Variants in DACH1 observed in about 807,000 individuals in gnomAD.
The protein encoded by DACH1 is dachshund homolog 1.
In DACH1, 12 loss-of-function variants were observed where a neutral mutation model predicts 54.2. The ratio of observed to expected loss-of-function variants is 0.22; its 90% CI spans 0.14 to 0.36. The LOEUF is 0.36. Ranked by LOEUF, DACH1 falls within the 10% of genes least tolerant of loss-of-function variation. DACH1 has a pLI of 1.00. For missense variants in DACH1, 805 were observed against 929.8 expected (o/e 0.87, Z 1.75); for synonymous variants, 386 against 366.2 (o/e 1.05, Z -0.62).
chr13:71,609,242 CAT>C, intron 3 of DACH1, among the ~76,000 whole-genome samples: 1 of 152,112 alleles, frequency 6.6e-6, no homozygotes, highest in Non-Finnish European at 1.5e-5. Flanking sequence ...CCACATCATC[CAT>C]ATCTCTAGTC....
chr13:71,646,058 C>G (rs1878240063), intron 2 of DACH1, among the ~76,000 whole-genome samples: 1 of 152,112 alleles, frequency 6.6e-6, no homozygotes, highest in African/African-American at 2.4e-5. Flanking sequence ...CTGCAATCGG[C>G]CAGGTGCGGT....
intron 10 of DACH1, among the ~76,000 whole-genome samples, chr13:71,454,699 C>A (rs895428636): frequency 3.9e-5 from 6 of 152,140 alleles, no homozygotes; most frequent in Non-Finnish European, 5.9e-5. Flanking sequence ...ATGGCAACAG[C>A]CACATTAGTC....
At chr13:71,862,790 A>G (rs1243835010) in intron 1 of DACH1, among the ~76,000 whole-genome samples, 1 of 152,118 alleles carries the variant, frequency 6.6e-6, no homozygotes, top group East Asian at 1.9e-4. Flanking sequence ...TCGGTTCCTC[A>G]AAATCCCTGG....
At chr13:71,677,702 G>T (rs1016766343) in intron 2 of DACH1, among the ~76,000 whole-genome samples, 1 of 151,954 alleles carries the variant, frequency 6.6e-6, no homozygotes, top group Non-Finnish European at 1.5e-5. Context: ...GAATCAATAG[G>T]TGTTGTTTGT....
At position 71,475,693 on chromosome 13, in the gene DACH1, T is replaced by C. The variant is rs370394159; in HGVS notation, c.2014+13A>G. 10 of 1,600,654 alleles carry C rather than the reference T, an allele frequency of 6.2e-6. No individual in the cohort carries two copies. The African/African-American group carries it at 1.1e-4, about 17-fold the overall frequency. On this transcript the variant is annotated intron_variant, in intron 9 of 10. Coordinates refer to ENST00000613252, the MANE Select transcript of DACH1 (RefSeq NM_080759.6). ...AATGACAGTTATTCATGCAATAATA[T>C]ACACCCTCTTACCATTTAAGACCCT...
rs149946200 is a variant in DACH1 at position 71,679,929 on chromosome 13, G to A, written c.964+1866C>T. ...CTGCACTCCAGCCTGGTGACAGAGCGAGACTCCGTCTCAAAAAAAAAAAAA... is the reference window on the plus strand; with the variant it reads ...CTGCACTCCAGCCTGGTGACAGAGCAAGACTCCGTCTCAAAAAAAAAAAAA... On this transcript the variant is annotated intron_variant, in intron 2 of 10. Coordinates refer to ENST00000613252, the MANE Select transcript of DACH1 (RefSeq NM_080759.6). Among the ~76,000 whole-genome samples, 636 of 137,268 alleles carry A rather than the reference G, an allele frequency of 4.6e-3. 2 individuals carry two copies. The highest frequency in any genetic ancestry group is 0.023 in the East Asian group (105 of 4,648). 90.1% of individuals were successfully genotyped at this position (137,268 alleles called of 152,430 possible). A position where few individuals can be genotyped will look rare whatever the true frequency, so the allele number is the denominator to read the frequency against.
intron 6 of DACH1, among the ~76,000 whole-genome samples, chr13:71,494,015 T>C (rs950502366): frequency 2.6e-5 from 4 of 152,150 alleles, no homozygotes; most frequent in Admixed American, 2.0e-4. Context: ...CAGTCACCTA[T>C]AAGGCAGCAC....
intron 3 of DACH1, among the ~76,000 whole-genome samples, chr13:71,577,285 C>A (rs757516102): frequency 2.0e-5 from 3 of 152,132 alleles, no homozygotes; most frequent in African/African-American, 7.2e-5. Flanking sequence ...AGCTACCAAA[C>A]GAGGTGGAAA....
chr13:71,526,206 CAT>C (rs1399195650), intron 6 of DACH1, among the ~76,000 whole-genome samples: 4 of 152,098 alleles, frequency 2.6e-5, no homozygotes, highest in Non-Finnish European at 5.9e-5. Flanking sequence ...TTTAACGATA[CAT>C]AGAGTCTTGT....
At chr13:71,475,665 A>G (rs773456514) in intron 9 of DACH1, 41 bp downstream of exon 9, 61 of 1,578,190 alleles carry the variant, frequency 3.9e-5, no homozygotes, top group Non-Finnish European at 5.0e-5. Flanking sequence ...TTTAAGCATT[A>G]AAAATGACAG....
At chr13:71,564,664 ATG>A (rs1271387270) in intron 4 of DACH1, among the ~76,000 whole-genome samples, 2 of 152,166 alleles carry the variant, frequency 1.3e-5, no homozygotes, top group African/African-American at 4.8e-5. Context: ...TACTACACAC[ATG>A]TGATTAAACA....
chr13:71,654,321 T>C (rs1377626234), intron 2 of DACH1, among the ~76,000 whole-genome samples: 15 of 149,826 alleles, frequency 1.0e-4, no homozygotes, highest in Admixed American at 1.3e-4. Context: ...ACCCAGGAGA[T>C]GGAGGTTGCA....
chr13:71,602,036 C>T (rs1192032037), intron 3 of DACH1, among the ~76,000 whole-genome samples: 1 of 151,928 alleles, frequency 6.6e-6, no homozygotes, highest in African/African-American at 2.4e-5. Flanking sequence ...AATATATTGA[C>T]TAATTGTTAA....
At chr13:71,746,991 T>C (rs531349480) in intron 1 of DACH1, among the ~76,000 whole-genome samples, 2 of 152,324 alleles carry the variant, frequency 1.3e-5, no homozygotes, top group Admixed American at 1.3e-4. Context: ...CATAATCTTG[T>C]AGTAACACAT....
intron 3 of DACH1, among the ~76,000 whole-genome samples, chr13:71,614,259 C>T (rs1000990679): frequency 1.3e-5 from 2 of 152,052 alleles, no homozygotes; most frequent in African/African-American, 4.8e-5. Flanking sequence ...GAGGAGAATT[C>T]CATTGGTTTT....
chr13:71,681,724 C>G (rs1386540405), intron 2 of DACH1, 71 bp downstream of exon 2: 2 of 1,042,410 alleles, frequency 1.9e-6, no homozygotes, highest in East Asian at 4.8e-5. Flanking sequence ...GATGTCACCA[C>G]AGATATATAT....
At chr13:71,715,572 G>A (rs1882929330) in intron 1 of DACH1, among the ~76,000 whole-genome samples, 1 of 151,948 alleles carries the variant, frequency 6.6e-6, no homozygotes. Flanking sequence ...ATTTCTCTGA[G>A]TAAAAGTATT....
At chr13:71,500,724 T>C (rs1222176709) in intron 6 of DACH1, among the ~76,000 whole-genome samples, 1 of 152,126 alleles carries the variant, frequency 6.6e-6, no homozygotes, top group Non-Finnish European at 1.5e-5. Flanking sequence ...GCACAATATT[T>C]TGAATGATTC....
chr13:71,864,588 G>A (rs1354372728), intron 1 of DACH1, among the ~76,000 whole-genome samples: 1 of 152,214 alleles, frequency 6.6e-6, no homozygotes, highest in African/African-American at 2.4e-5. Flanking sequence ...CCACGTGCCC[G>A]CTTCAGGTCT....
Sources: gnomAD v4.1 joint callset for allele counts (sites outside exome capture counted in the v4.1 genomes callset) on GRCh38, gnomAD v4.1.1 for gene constraint, MANE v1.5 for transcripts, NCBI Gene and HGNC (gene_info 2026-07-23, HGNC 2026-07-21) for gene names.